Variants in PARG observed in about 807,000 individuals in gnomAD.
PARG encodes poly(ADP-ribose) glycohydrolase.
Under a neutral mutation model 113.0 loss-of-function variants are expected in PARG, and 35 were observed. That is an observed-to-expected ratio of 0.31 (90% CI 0.24 to 0.41). The LOEUF (loss-of-function observed/expected upper bound fraction) is 0.41, where lower values mean the gene tolerates loss of function less well. PARG is among the 10% of genes least tolerant of loss of function. PARG has a pLI of 1.00. For synonymous variants in PARG, 330 were observed against 409.9 expected, an observed-to-expected ratio of 0.81 and a Z score of 2.36; for missense variants, 797 against 1,169.4, an observed-to-expected ratio of 0.68 and a Z score of 4.64.
intron 16 of PARG, among the ~76,000 whole-genome samples, chr10:49,822,735 C>T (rs781860217): frequency 1.3e-5 from 2 of 152,134 alleles, no homozygotes; most frequent in Non-Finnish European, 2.9e-5. Flanking sequence ...TGGGCAACAG[C>T]CTGACACAGT....
intron 1 of PARG, 42 bp from the exon 2 acceptor site, chr10:49,935,184 A>G (rs1342584222): frequency 1.3e-5 from 9 of 692,412 alleles, no homozygotes; most frequent in Non-Finnish European, 2.1e-5. Flanking sequence ...TTCAAATATA[A>G]AACATATACA....
At chr10:49,893,051 A>C (rs1847888295) in intron 7 of PARG, among the ~76,000 whole-genome samples, 1 of 152,126 alleles carries the variant, frequency 6.6e-6, no homozygotes, top group Non-Finnish European at 1.5e-5. Flanking sequence ...TTCTTCTACA[A>C]ATCTTTTTGT....
At chr10:49,849,905 C>T (rs1554833915) in intron 13 of PARG, among the ~76,000 whole-genome samples, 1 of 152,130 alleles carries the variant, frequency 6.6e-6, no homozygotes, top group East Asian at 1.9e-4. Flanking sequence ...GCAGTTCCTG[C>T]TACTCAGGAG....
In PARG at chr10:49,862,707, T is replaced by C. The variant is rs1846312325; in HGVS notation, c.2130-1044A>G. On this transcript the variant is annotated intron_variant, in intron 11 of 17. Transcript: ENST00000616448. The stretch of plus-strand genomic sequence containing the variant: ...ATCTAAGTAAGCTAACCAAGACTAG[T>C]GAAATAAAGCAGCAGAGATGTGAAA... 2.0e-5 allele frequency among the ~76,000 whole-genome samples: 3 copies of C among 150,674 alleles called. No individual in the cohort carries two copies. In the South Asian group the frequency reaches 6.3e-4, roughly 32 times the overall value.
intron 13 of PARG, among the ~76,000 whole-genome samples, chr10:49,850,065 G>T (rs1472660720): frequency 6.9e-6 from 1 of 145,754 alleles, no homozygotes; most frequent in African/African-American, 2.5e-5. Flanking sequence ...ATCTTGTAAT[G>T]CAAGAATATA....
chr10:49,941,099 T>G (rs1839028783), intron 1 of PARG, among the ~76,000 whole-genome samples: 1 of 152,220 alleles, frequency 6.6e-6, no homozygotes, highest in Non-Finnish European at 1.5e-5. Flanking sequence ...ACGGGTACAA[T>G]GCCAGCTTAA....
In PARG at chr10:49,818,454, C is replaced by A. The variant is rs927431263; in HGVS notation, c.*886G>T. 1 of 152,436 alleles carries A rather than the reference C, an allele frequency of 6.6e-6. No homozygotes were observed. The highest frequency in any genetic ancestry group is 2.4e-5 in the African/African-American group (1 of 41,382). The allele number at this position is 152,436 out of a possible 1,614,324, so 9.4% of individuals were successfully genotyped here. A position where few individuals can be genotyped will look rare whatever the true frequency, so the allele number is the denominator to read the frequency against. The stretch of plus-strand genomic sequence containing the variant: ...TAACCTTTGAATACCAGAGAAACTT[C>A]AATATGTACAAATCAGCATGAAGTT... On this transcript the variant is annotated 3_prime_UTR_variant, in exon 18 of 18. Coordinates refer to ENST00000616448, the MANE Select transcript of PARG (RefSeq NM_003631.5).
chr10:49,897,421 AC>A (rs1337441366), intron 7 of PARG, among the ~76,000 whole-genome samples: 1 of 151,888 alleles, frequency 6.6e-6, no homozygotes, highest in African/African-American at 2.4e-5. Context: ...ACTGCCCCTT[AC>A]TCTATGACTC....
chr10:49,859,006 G>A (rs1554835505), intron 12 of PARG, among the ~76,000 whole-genome samples: 1 of 151,584 alleles, frequency 6.6e-6, no homozygotes, highest in African/African-American at 2.4e-5. Context: ...GATGATTATT[G>A]AAGAGCTTGT....
At chr10:49,886,887 A>C (rs1429374898) in intron 7 of PARG, among the ~76,000 whole-genome samples, 4 of 152,232 alleles carry the variant, frequency 2.6e-5, no homozygotes, top group African/African-American at 9.6e-5. Flanking sequence ...AAATAAAAAA[A>C]CTAAATTTTT....
intron 10 of PARG, chr10:49,867,026 A>C (rs1554837027): frequency 6.6e-6 from 1 of 151,908 alleles, no homozygotes; most frequent in African/African-American, 2.4e-5. Context: ...TTTTCACGTT[A>C]CATTTCCGAA....
At chr10:49,866,738 C>T (rs1351958044) in intron 10 of PARG, among the ~76,000 whole-genome samples, 2 of 152,092 alleles carry the variant, frequency 1.3e-5, no homozygotes, top group East Asian at 1.9e-4. Context: ...AGCATTTTTT[C>T]GTAACAAGGC....
In PARG at chr10:49,819,500, G is replaced by C. The variant is rs1329730672; in HGVS notation, c.2777-6C>G. 1.3e-6 allele frequency: 2 copies of C among 1,549,492 alleles called. No homozygotes were observed. The highest frequency in any genetic ancestry group is 1.7e-6 in the Non-Finnish European group (2 of 1,145,122). On this transcript the variant is annotated splice_polypyrimidine_tract_variant and splice_region_variant and intron_variant, in intron 17 of 17. Coordinates refer to ENST00000616448, the MANE Select transcript of PARG (RefSeq NM_003631.5). ...CAACAGCTTATACACATCTCCTGGA[G>C]AGCAAAAGGTCAGACCAGAGGCACA...
At chr10:49,828,092 C>CAAAAAAAAAAAAAA (rs71026274) in intron 16 of PARG, among the ~76,000 whole-genome samples, 4 of 50,410 alleles carry the variant, frequency 7.9e-5, no homozygotes, top group East Asian at 7.1e-4. Flanking sequence ...AAAGCTTAAA[C>CAAAAAAAAAAAAAA]AAAAAAAAAA....
At chr10:49,887,414 T>A (rs1554840645) in intron 7 of PARG, among the ~76,000 whole-genome samples, 1 of 151,680 alleles carries the variant, frequency 6.6e-6, no homozygotes, top group Non-Finnish European at 1.5e-5. Context: ...TGCAGAACCA[T>A]TCCACTACAA....
At chr10:49,919,408 G>A (rs3829175) in intron 6 of PARG, among the ~76,000 whole-genome samples, 73,257 of 152,074 alleles carry the variant, frequency 0.48, 17,926 homozygotes, top group African/African-American at 0.58. Flanking sequence ...TGTTTTTAGA[G>A]AACAATGGCC....
chr10:49,918,145 G>T (rs1424702963), intron 6 of PARG, among the ~76,000 whole-genome samples: 1 of 152,192 alleles, frequency 6.6e-6, no homozygotes, highest in Non-Finnish European at 1.5e-5. Context: ...GCAAAGTGGG[G>T]AGAGGAATCT....
At chr10:49,844,623 AAAAAAAAAAAAAAAGACACTAG>A (rs1353615305) in intron 13 of PARG, among the ~76,000 whole-genome samples, 3 of 71,764 alleles carry the variant, frequency 4.2e-5, no homozygotes, top group Non-Finnish European at 1.0e-4. Context: ...ACTCCATCTC[AAAAAAAAAAAAAAAGACACTAG>A]AAAAAAAAAG....
chr10:49,830,188 T>C (rs1554830085), intron 16 of PARG, among the ~76,000 whole-genome samples: 8 of 152,244 alleles, frequency 5.3e-5, no homozygotes, highest in Non-Finnish European at 1.2e-4. Context: ...AACACATTTA[T>C]AAAGCTTTCC....
Sources: gnomAD v4.1 joint callset for allele counts (sites outside exome capture counted in the v4.1 genomes callset) on GRCh38, gnomAD v4.1.1 for gene constraint, MANE v1.5 for transcripts, NCBI Gene and HGNC (gene_info 2026-07-23, HGNC 2026-07-21) for gene names.